The following DPF3 variants were observed in gnomAD, a reference collection of about 807,000 sequenced individuals.
The protein encoded by DPF3 is zinc finger protein DPF3.
DPF3 carries 18 observed loss-of-function variants against 56.8 expected under a neutral mutation model. The ratio of observed to expected loss-of-function variants is 0.32; its 90% confidence interval spans 0.22 to 0.47. The LOEUF is 0.47. DPF3 is among the 20% of genes least tolerant of loss of function. The pLI, the probability that DPF3 is intolerant of heterozygous loss-of-function variation, is 1.00. For missense variants in DPF3, 403 were observed against 488.8 expected (o/e 0.82, Z 1.65); for synonymous variants, 188 against 180.2 (o/e 1.04, Z -0.35).
At chr14:72,865,181 C>T (rs1425924368) in intron 1 of DPF3, among the ~76,000 whole-genome samples, 1 of 152,146 alleles carries the variant, frequency 6.6e-6, no homozygotes, top group East Asian at 1.9e-4. Flanking sequence ...CTTTTTGAGC[C>T]CATGCCAGGT....
At chr14:72,706,675 G>A (rs1481735127) in intron 6 of DPF3, among the ~76,000 whole-genome samples, 4 of 151,976 alleles carry the variant, frequency 2.6e-5, no homozygotes, top group Non-Finnish European at 5.9e-5. Context: ...GACCCATCAG[G>A]CTCCTTGCTT....
At chr14:72,771,618 G>T in intron 2 of DPF3, 115 bp downstream of exon 2, 2 of 1,330,936 alleles carry the variant, frequency 1.5e-6, no homozygotes, top group Non-Finnish European at 2.0e-6. Flanking sequence ...CCCATGTGCA[G>T]CTTGCCCCAC....
intron 1 of DPF3, among the ~76,000 whole-genome samples, chr14:72,868,161 G>GT (rs1478521804): frequency 6.6e-6 from 1 of 152,038 alleles, no homozygotes; most frequent in African/African-American, 2.4e-5. Context: ...TCTGAACATC[G>GT]TAAGATTCAA....
chr14:72,650,587 A>T (rs537064526), intron 8 of DPF3, among the ~76,000 whole-genome samples: 3 of 152,328 alleles, frequency 2.0e-5, no homozygotes, highest in South Asian at 2.1e-4. Flanking sequence ...TGGCCAACAC[A>T]GCCTCATCTG....
intron 1 of DPF3, among the ~76,000 whole-genome samples, chr14:72,891,763 A>G (rs1466745795): frequency 6.6e-6 from 1 of 152,118 alleles, no homozygotes; most frequent in African/African-American, 2.4e-5. Flanking sequence ...TCTGGGAAGC[A>G]GAAAGGAATA....
intron 1 of DPF3, among the ~76,000 whole-genome samples, chr14:72,812,752 T>C (rs1006065719): frequency 3.9e-5 from 6 of 152,060 alleles, no homozygotes; most frequent in Non-Finnish European, 8.8e-5. Flanking sequence ...GTGCAATGCG[T>C]CCGGGAGGCT....
chr14:72,694,353 A>G (rs949798156), intron 6 of DPF3, among the ~76,000 whole-genome samples: 2 of 152,238 alleles, frequency 1.3e-5, no homozygotes, highest in Admixed American at 1.3e-4. Flanking sequence ...TACAAATTCT[A>G]AAAGACTTCT....
chr14:72,720,272 C>A (rs959137948), intron 5 of DPF3, among the ~76,000 whole-genome samples: 1 of 152,070 alleles, frequency 6.6e-6, no homozygotes. Flanking sequence ...ACAAGAGGAT[C>A]GCTTGAGGCC....
intron 1 of DPF3, among the ~76,000 whole-genome samples, chr14:72,852,890 T>C (rs1885034709): frequency 6.6e-6 from 1 of 152,178 alleles, no homozygotes; most frequent in Non-Finnish European, 1.5e-5. Flanking sequence ...ATTGGAGACA[T>C]TTAAGTGTTT....
chr14:72,810,542 T>C (rs2140016721), intron 1 of DPF3, among the ~76,000 whole-genome samples: 1 of 152,092 alleles, frequency 6.6e-6, no homozygotes, highest in African/African-American at 2.4e-5. Flanking sequence ...TTAGAACTGG[T>C]GCAGCAGCTG....
intron 7 of DPF3, among the ~76,000 whole-genome samples, chr14:72,680,715 C>T (rs1353536465): frequency 1.3e-5 from 2 of 152,338 alleles, no homozygotes; most frequent in East Asian, 3.9e-4. Context: ...GCTGGAATGG[C>T]AGCACATGCC....
chr14:72,828,851 G>A (rs140194636), intron 1 of DPF3, among the ~76,000 whole-genome samples: 2 of 152,322 alleles, frequency 1.3e-5, no homozygotes, highest in East Asian at 1.9e-4. Flanking sequence ...CCCTGGCCAC[G>A]GGATGGAGAA....
At chr14:72,767,234 A>G (rs1341704075) in intron 2 of DPF3, among the ~76,000 whole-genome samples, 1 of 152,236 alleles carries the variant, frequency 6.6e-6, no homozygotes, top group Non-Finnish European at 1.5e-5. Flanking sequence ...CTCATAACAT[A>G]ACAGCCAAAA....
chr14:72,885,264 A>AG (rs993553201), intron 1 of DPF3, among the ~76,000 whole-genome samples: 1 of 151,834 alleles, frequency 6.6e-6, no homozygotes, highest in African/African-American at 2.4e-5. Flanking sequence ...GGAGAGGCAG[A>AG]GAGGTTGAAT....
At chr14:72,766,512 C>T (rs866076574) in intron 2 of DPF3, among the ~76,000 whole-genome samples, 24 of 152,176 alleles carry the variant, frequency 1.6e-4, no homozygotes, top group South Asian at 8.3e-4. Context: ...AGTGCAATGG[C>T]GCAATCCTGG....
intron 1 of DPF3, among the ~76,000 whole-genome samples, chr14:72,883,533 TG>T (rs1886397196): frequency 6.6e-6 from 1 of 152,128 alleles, no homozygotes; most frequent in Non-Finnish European, 1.5e-5. Context: ...GTTGTAGCTT[TG>T]CAGCAAGACT....
chr14:72,886,177 G>C (rs1332241986), intron 1 of DPF3, among the ~76,000 whole-genome samples: 1 of 152,142 alleles, frequency 6.6e-6, no homozygotes, highest in African/African-American at 2.4e-5. Flanking sequence ...TTCGAGACGA[G>C]CCTGGCCAAC....
chr14:72,659,402 T>C lies in DPF3; in HGVS notation c.871+14838A>G, dbSNP rs138670023. Among the ~76,000 whole-genome samples the C allele has an allele frequency of 1.3e-4, 20 of 152,340 alleles. No homozygotes were observed. In the East Asian group the frequency reaches 3.9e-3, roughly 29 times the overall value. On this transcript the variant is annotated intron_variant, in intron 8 of 10. Coordinates refer to ENST00000556509, the MANE Select transcript of DPF3 (RefSeq NM_001280542.3). Reference sequence around the variant, plus strand: ...CCATCTATAGACAGAAAGCACATCATTCTTGGCCTACAACCCATTATCAGA... The same window carrying C: ...CCATCTATAGACAGAAAGCACATCACTCTTGGCCTACAACCCATTATCAGA...
At chr14:72,730,671 A>C in intron 4 of DPF3, among the ~76,000 whole-genome samples, 1 of 151,668 alleles carries the variant, frequency 6.6e-6, no homozygotes, top group East Asian at 1.9e-4. Context: ...AATTTATTGA[A>C]TATTAAATAT....
Sources: gnomAD v4.1 joint callset for allele counts (sites outside exome capture counted in the v4.1 genomes callset) on GRCh38, gnomAD v4.1.1 for gene constraint, MANE v1.5 for transcripts, NCBI Gene and HGNC (gene_info 2026-07-23, HGNC 2026-07-21) for gene names.